STOX1: variants seen among roughly 807,000 people sequenced by gnomAD.
STOX1 encodes the protein storkhead-box protein 1.
In STOX1, 57 loss-of-function variants were observed where a neutral mutation model predicts 74.8. The observed-to-expected ratio is 0.76, with a 90% confidence interval of 0.62 to 0.95. The LOEUF (loss-of-function observed/expected upper bound fraction) is 0.95. Ranked by LOEUF, STOX1 falls within the 40% of genes least tolerant of loss-of-function variation. The pLI is 0.00. For synonymous variants in STOX1, 375 were observed against 401.3 expected (o/e 0.93, Z 0.78); for missense variants, 1,010 against 1,117.0 (o/e 0.90, Z 1.37).
chr10:68,892,499 C>A, intron 3 of STOX1, 90 bp from the exon 4 acceptor site: 2 of 1,260,942 alleles, frequency 1.6e-6, no homozygotes, highest in Non-Finnish European at 2.3e-6. Context: ...AAATGTACTA[C>A]TTCAAAGTAG....
At position 68,885,069 on chromosome 10, in the gene STOX1, C is replaced by G. The variant is rs1395357327; in HGVS notation, c.1273C>G (p.Gln425Glu). The G allele has an allele frequency of 6.2e-7, 1 of 1,613,962 alleles. No individual in the cohort carries two copies. The highest frequency in any genetic ancestry group is 8.5e-7 in the Non-Finnish European group (1 of 1,179,976). ...RQGLSAKPQG[Q>E]GHSRRDRHKA... ...GGGTCTGTCTGCAAAACCTCAAGGG[C>G]AGGGCCATTCTCGAAGGGATAGACA... Residue 425 changes from glutamine to glutamate, a missense_variant, in exon 3 of 4, where the codon CAG becomes GAG. Gln to Glu is a conservative substitution (Grantham distance 29). Coordinates refer to ENST00000298596, the MANE Select transcript of STOX1 (RefSeq NM_152709.5).
chr10:68,895,270 T>G (rs1448112635), downstream of STOX1: 1 of 152,226 alleles, frequency 6.6e-6, no homozygotes, highest in African/African-American at 2.4e-5. Context: ...GTTGCGCAAC[T>G]AATGAAGTCC....
intron 1 of STOX1, among the ~76,000 whole-genome samples, chr10:68,868,162 C>T (rs943805534): frequency 2.6e-5 from 4 of 152,168 alleles, no homozygotes; most frequent in African/African-American, 9.7e-5. Flanking sequence ...CCCAATCCAG[C>T]GGTGCTAGAG....
rs376725973 is a variant in STOX1 at position 68,856,479 on chromosome 10, G to C, written c.311-25479G>C. 3.9e-5 allele frequency among the ~76,000 whole-genome samples: 6 copies of C among 152,116 alleles called. 1 individual carries two copies. The highest frequency in any genetic ancestry group is 6.5e-5 in the Admixed American group (1 of 15,298). On this transcript the variant is annotated intron_variant, in intron 1 of 3. Coordinates refer to ENST00000298596, the MANE Select transcript of STOX1 (RefSeq NM_152709.5). ...TTTCTGTCTGCATTCCTCAGCATCC[G>C]TCTCCCACGTGGGCACGAGGGTGCT...
chr10:68,844,522 C>G (rs1379684356), intron 1 of STOX1, among the ~76,000 whole-genome samples: 1 of 152,054 alleles, frequency 6.6e-6, no homozygotes, highest in Non-Finnish European at 1.5e-5. Flanking sequence ...TGGTCTTGAA[C>G]TCCTGACCTC....
chr10:68,880,251 T>C (rs759793614), intron 1 of STOX1, among the ~76,000 whole-genome samples: 3 of 151,156 alleles, frequency 2.0e-5, no homozygotes, highest in Non-Finnish European at 4.4e-5. Flanking sequence ...GGTGCAGTCA[T>C]AGCTCATTTC....
intron 1 of STOX1, among the ~76,000 whole-genome samples, chr10:68,836,128 C>T (rs1839545797): frequency 6.6e-6 from 1 of 152,232 alleles, no homozygotes; most frequent in Non-Finnish European, 1.5e-5. Flanking sequence ...CCTCGGCCTC[C>T]CAGAGTGCTG....
rs1412858858 is a variant in STOX1 at position 68,885,385 on chromosome 10, C to T, written c.1589C>T (p.Pro530Leu). Reference sequence around the variant, plus strand: ...AGCCAGACTGGACCAAAGGAAAAGCCTTTCCAAAAGCCTAGGTCCTTGGAT... The same window carrying T: ...AGCCAGACTGGACCAAAGGAAAAGCTTTTCCAAAAGCCTAGGTCCTTGGAT... ...KPSQTGPKEK[P>L]FQKPRSLDSS... Residue 530 changes from proline (P) to leucine (L), a missense_variant, in exon 3 of 4, where the codon CCT (proline) becomes CTT (leucine). Transcript: ENST00000298596. 8.7e-6 allele frequency: 14 copies of T among 1,614,030 alleles called. No homozygotes were observed. The highest frequency in any genetic ancestry group is 5.0e-5 in the Admixed American group (3 of 59,988).
rs1429642109 is a variant in STOX1 at position 68,886,491 on chromosome 10, C to A, written c.2695C>A (p.Gln899Lys). 9 of 1,613,982 alleles carry A rather than the reference C, an allele frequency of 5.6e-6. No homozygotes were observed. Among genetic ancestry groups the A allele is most frequent in the African/African-American group, 1.3e-5 (1 of 75,024 alleles). The change falls in exon 3 of 4, where the codon CAA (glutamine) becomes AAA (lysine). Residue 899 changes from glutamine to lysine, a missense_variant. By Grantham distance (53) the Gln-to-Lys change is moderately conservative. Transcript: ENST00000298596. ...QNQEMRKHFP[Q>K]KFQLFNTSHM... Reference sequence around the variant, plus strand: ...TCAGGAAATGAGAAAACATTTCCCACAAAAGTTCCAACTTTTCAACACTTC... The same window carrying A: ...TCAGGAAATGAGAAAACATTTCCCAAAAAAGTTCCAACTTTTCAACACTTC...
intron 2 of STOX1, 133 bp downstream of exon 2, chr10:68,882,243 G>A: frequency 2.4e-6 from 2 of 824,136 alleles, no homozygotes; most frequent in Non-Finnish European, 3.9e-6. Context: ...TCAGAACCCT[G>A]CCAGAAGAAG....
chr10:68,863,220 TG>T (rs1172981107), intron 1 of STOX1, among the ~76,000 whole-genome samples: 14 of 152,156 alleles, frequency 9.2e-5, no homozygotes, highest in Non-Finnish European at 1.8e-4. Context: ...ATAGAAGTGG[TG>T]GAAAAGGTAA....
In STOX1 at chr10:68,880,508, A is replaced by G. The variant is rs1046342082; in HGVS notation, c.311-1450A>G. Among the ~76,000 whole-genome samples, 20 of 152,254 alleles carry G rather than the reference A, an allele frequency of 1.3e-4. 1 individual carries two copies. The highest frequency in any genetic ancestry group is 4.3e-4 in the African/African-American group (18 of 41,550). On this transcript the variant is annotated intron_variant, in intron 1 of 3. Coordinates refer to ENST00000298596, the MANE Select transcript of STOX1 (RefSeq NM_152709.5). ...TAAAAGTCACCAGTGGCACCTTCCA[A>G]TCAATAAATCCAATGGCTTTTCTCC...
chr10:68,884,260 G>A lies in STOX1; in HGVS notation c.464G>A (p.Gly155Asp). ...TCTGTAAAATGCTTGTCTGTTTTAG[G>A]CATTGCAATTCCATCGGAAGATATT... ...LLERLMKHYP[G>D]IAIPSEDILY... The change falls in exon 3 of 4, where the codon GGC becomes GAC. Residue 155 changes from glycine (G) to aspartate (D), a missense_variant and splice_region_variant. Physicochemically the swap from Gly to Asp is moderately conservative, Grantham distance 94. Coordinates refer to ENST00000298596, the MANE Select transcript of STOX1 (RefSeq NM_152709.5). 1.2e-6 allele frequency: 2 copies of A among 1,613,934 alleles called. No homozygotes were observed. Among genetic ancestry groups the A allele is most frequent in the Non-Finnish European group, 1.7e-6 (2 of 1,179,914 alleles).
chr10:68,859,793 C>G (rs1023387456), intron 1 of STOX1, among the ~76,000 whole-genome samples: 8 of 152,004 alleles, frequency 5.3e-5, no homozygotes, highest in African/African-American at 1.9e-4. Flanking sequence ...GAGCTTGGCT[C>G]AGCAAGGCTG....
rs755105898 is a variant in STOX1, at chr10:68,885,896, C to T, written c.2100C>T (p.Val700=). Residue 700 remains valine (V), a synonymous_variant, in exon 3 of 4, where the codon GTC becomes GTT. Coordinates refer to ENST00000298596, the MANE Select transcript of STOX1 (RefSeq NM_152709.5). ...AAGAATTATTGAGAAAAGGATTTGTCCAGGATGCAGAGACTACAAGCCTAG... is the reference window on the plus strand; with the variant it reads ...AAGAATTATTGAGAAAAGGATTTGTTCAGGATGCAGAGACTACAAGCCTAG... The part of the protein sequence containing the change: ...DSEELLRKGF[V]QDAETTSLEN... 1.2e-6 allele frequency: 2 copies of T among 1,614,126 alleles called. No homozygotes were observed. The highest frequency in any genetic ancestry group is 3.3e-5 in the Admixed American group (2 of 60,012).
Position 68,827,553 on chromosome 10 carries a change from G to GT in STOX1, c.-71_-70insT. On this transcript the variant is annotated 5_prime_UTR_variant, in exon 1 of 4. Transcript: ENST00000298596. ...CGCGCAGTCGGCCGATCCTCCCGCCGAGCGAGCGGCGTCGTAGCCGCCGCG... is the reference window on the plus strand; with the variant it reads ...CGCGCAGTCGGCCGATCCTCCCGCCGTAGCGAGCGGCGTCGTAGCCGCCGCG... The GT allele has an allele frequency of 9.8e-7, 1 of 1,016,202 alleles. No homozygotes were observed. The highest frequency in any genetic ancestry group is 1.2e-6 in the Non-Finnish European group (1 of 830,964). 62.9% of individuals were successfully genotyped at this position (1,016,202 alleles called of 1,614,324 possible).
chr10:68,874,398 T>A (rs1840626019), intron 1 of STOX1, among the ~76,000 whole-genome samples: 1 of 152,134 alleles, frequency 6.6e-6, no homozygotes, highest in Admixed American at 6.5e-5. Context: ...CCCCAGACTT[T>A]TAAACAAAGC....
rs1484064449 is a variant in STOX1, at chr10:68,877,161, G to T, written c.311-4797G>T. On this transcript the variant is annotated intron_variant, in intron 1 of 3. Transcript: ENST00000298596. ...CAGCAGAGGCGAATAGCAATTAACGGTGTCCTCTAAAGTGAAGTTTACATT... is the reference window on the plus strand; with the variant it reads ...CAGCAGAGGCGAATAGCAATTAACGTTGTCCTCTAAAGTGAAGTTTACATT... Among the ~76,000 whole-genome samples the T allele has an allele frequency of 2.6e-5, 4 of 152,170 alleles. No homozygotes were observed. The East Asian group carries it at 5.8e-4, about 22-fold the overall frequency.
intron 1 of STOX1, among the ~76,000 whole-genome samples, chr10:68,839,326 G>A (rs1589216310): frequency 6.6e-6 from 1 of 151,862 alleles, no homozygotes; most frequent in African/African-American, 2.4e-5. Context: ...GGGCTCAAGC[G>A]ATCCTCCCAC....
Sources: allele counts gnomAD v4.1 joint callset (sites outside exome capture counted in the v4.1 genomes callset), GRCh38; gene constraint gnomAD v4.1.1; transcripts MANE v1.5; gene names NCBI Gene and HGNC (gene_info 2026-07-23, HGNC 2026-07-21).